Variants in PLS1 observed in about 807,000 individuals in gnomAD.
PLS1 encodes plastin-1.
Under a neutral mutation model 73.7 loss-of-function variants are expected in PLS1, and 32 were observed. The ratio of observed to expected loss-of-function variants is 0.43; its 90% CI spans 0.33 to 0.58. The LOEUF (loss-of-function observed/expected upper bound fraction) is 0.58, where lower values mean the gene tolerates loss of function less well. PLS1 is among the 20% of genes least tolerant of loss of function. PLS1 has a pLI of 0.04. For synonymous variants in PLS1, 217 were observed against 261.3 expected (o/e 0.83, Z 1.63); for missense variants, 633 against 740.5 (o/e 0.85, Z 1.68).
At chr3:142,612,868 T>A (rs901331924) in intron 1 of PLS1, among the ~76,000 whole-genome samples, 1 of 152,138 alleles carries the variant, frequency 6.6e-6, no homozygotes, top group Non-Finnish European at 1.5e-5. Context: ...GCCTCCTGGA[T>A]GTTCTCCTGC....
At chr3:142,676,044 T>A (rs943025520) in intron 4 of PLS1, 113 bp from the exon 5 acceptor site, 17 of 819,808 alleles carry the variant, frequency 2.1e-5, no homozygotes, top group Non-Finnish European at 3.0e-5. Flanking sequence ...TCAATTATTA[T>A]CTTTGAGCAG....
chr3:142,602,384 A>G (rs904430134), intron 1 of PLS1, among the ~76,000 whole-genome samples: 4 of 152,166 alleles, frequency 2.6e-5, no homozygotes, highest in African/African-American at 9.7e-5. Flanking sequence ...CTGGGGTGTC[A>G]GGATCCACTG....
intron 1 of PLS1, among the ~76,000 whole-genome samples, chr3:142,600,916 A>ATATATATTTATTTTTTTT (rs1560024585): frequency 6.7e-5 from 1 of 14,844 alleles, no homozygotes. Context: ...ATATATATAT[A>ATATATATTTATTTTTTTT]TTTTTTTTTT....
At chr3:142,597,621 G>A (rs2035836069) in intron 1 of PLS1, among the ~76,000 whole-genome samples, 1 of 152,108 alleles carries the variant, frequency 6.6e-6, no homozygotes, top group Admixed American at 6.5e-5. Context: ...TTTGGCTGTA[G>A]AGACCTTTGA....
chr3:142,614,514 C>T (rs1036113383), intron 1 of PLS1, among the ~76,000 whole-genome samples: 14 of 152,220 alleles, frequency 9.2e-5, no homozygotes, highest in Non-Finnish European at 1.5e-5. Context: ...TATTGCCAGA[C>T]ATTCTGATTT....
At chr3:142,686,939 T>C (rs1040965173) in intron 9 of PLS1, among the ~76,000 whole-genome samples, 1 of 152,250 alleles carries the variant, frequency 6.6e-6, no homozygotes, top group African/African-American at 2.4e-5. Context: ...AGCAACAACC[T>C]GTTGTTAGAT....
intron 3 of PLS1, among the ~76,000 whole-genome samples, chr3:142,670,500 C>G (rs893202007): frequency 5.3e-5 from 8 of 152,190 alleles, no homozygotes; most frequent in Non-Finnish European, 1.2e-4. Context: ...AACCCAATCA[C>G]TTTGCTGCAA....
Position 142,711,567 on chromosome 3 carries a change from C to G in PLS1, c.1696C>G (p.Arg566Gly). 1.2e-6 allele frequency: 2 copies of G among 1,605,010 alleles called. No homozygotes were observed. Among genetic ancestry groups the G allele is most frequent in the Non-Finnish European group, 1.7e-6 (2 of 1,172,648 alleles). The change falls in exon 15 of 16, where the codon CGT becomes GGT. Residue 566 changes from arginine to glycine, a missense_variant. Coordinates refer to ENST00000457734, the MANE Select transcript of PLS1 (RefSeq NM_001145319.2). ...AGATGCCATTGCACCAAATGCAGTT[C>G]GTCAAGAAATGATCAGGAGAGAAAA... is the stretch of plus-strand genomic sequence containing the variant. Reference protein sequence around the residue: ...LIDAIAPNAVRQEMIRRENLS... With the variant: ...LIDAIAPNAVGQEMIRRENLS...
At chr3:142,632,848 C>T (rs1448527953) in intron 1 of PLS1, among the ~76,000 whole-genome samples, 1 of 152,150 alleles carries the variant, frequency 6.6e-6, no homozygotes, top group Non-Finnish European at 1.5e-5. Flanking sequence ...ATCCACTTGC[C>T]TTGGCCTTCC....
chr3:142,642,859 T>G (rs1174249044), intron 1 of PLS1, among the ~76,000 whole-genome samples: 1 of 151,980 alleles, frequency 6.6e-6, no homozygotes, highest in Non-Finnish European at 1.5e-5. Context: ...CTGGGCTAAT[T>G]TTAGTATTTT....
intron 1 of PLS1, among the ~76,000 whole-genome samples, chr3:142,627,349 G>A (rs985696417): frequency 1.6e-4 from 25 of 152,086 alleles, no homozygotes; most frequent in African/African-American, 6.0e-4. Context: ...TTTCTGTAAG[G>A]AATAATGTTC....
chr3:142,686,418 C>T (rs774005613), intron 9 of PLS1, 42 bp downstream of exon 9: 1 of 1,153,660 alleles, frequency 8.7e-7, no homozygotes, highest in Non-Finnish European at 1.3e-6. Flanking sequence ...TGTGGTAAAA[C>T]AGACGTAGAA....
intron 1 of PLS1, among the ~76,000 whole-genome samples, chr3:142,642,195 C>A (rs1439259770): frequency 6.6e-6 from 1 of 152,052 alleles, no homozygotes; most frequent in Non-Finnish European, 1.5e-5. Context: ...TGGGAATATA[C>A]TATACTTACT....
intron 1 of PLS1, among the ~76,000 whole-genome samples, chr3:142,635,930 C>T (rs1247982103): frequency 1.3e-5 from 2 of 152,128 alleles, no homozygotes; most frequent in Non-Finnish European, 2.9e-5. Context: ...TGTTCTGGTG[C>T]CCAGGCTAAA....
At position 142,664,266 on chromosome 3, in the gene PLS1, G is replaced by A. The variant is rs762287294; in HGVS notation, c.29G>A (p.Arg10Gln). 1.4e-5 allele frequency: 23 copies of A among 1,594,300 alleles called. No homozygotes were observed. Among genetic ancestry groups the A allele is most frequent in the Admixed American group, 6.8e-5 (4 of 58,758 alleles). Residue 10 changes from arginine to glutamine, a missense_variant, in exon 2 of 16, where the codon CGG becomes CAG. Physicochemically the swap from Arg to Gln is conservative, Grantham distance 43. Coordinates refer to ENST00000457734, the MANE Select transcript of PLS1 (RefSeq NM_001145319.2). ...GAAAACAGTACTACTACCATTTCTC[G>A]GGAGGAGCTTGAAGAACTACAAGAG... MENSTTTIS[R>Q]EELEELQEAF... is the part of the protein sequence containing the mutation.
At chr3:142,654,920 G>C (rs2037188261) in intron 1 of PLS1, 1 of 152,046 alleles carries the variant, frequency 6.6e-6, no homozygotes, top group African/African-American at 2.4e-5. Context: ...TTGGCCCTTT[G>C]TTATCTAGTA....
chr3:142,706,419 T>C (rs2038464020), intron 14 of PLS1, among the ~76,000 whole-genome samples: 1 of 152,102 alleles, frequency 6.6e-6, no homozygotes, highest in Non-Finnish European at 1.5e-5. Context: ...GAAAGGGGGA[T>C]AACAAACTTA....
At chr3:142,673,179 A>G (rs1348609329) in intron 4 of PLS1, among the ~76,000 whole-genome samples, 1 of 151,982 alleles carries the variant, frequency 6.6e-6, no homozygotes, top group Non-Finnish European at 1.5e-5. Context: ...GTGCATAACC[A>G]TGCCTCCCAA....
At chr3:142,609,366 T>C (rs1220565223) in intron 1 of PLS1, among the ~76,000 whole-genome samples, 1 of 152,226 alleles carries the variant, frequency 6.6e-6, no homozygotes, top group Non-Finnish European at 1.5e-5. Flanking sequence ...GTGATTTTTG[T>C]GACTTTGCTT....
Sources: gnomAD v4.1 joint callset for allele counts (sites outside exome capture counted in the v4.1 genomes callset) on GRCh38, gnomAD v4.1.1 for gene constraint, MANE v1.5 for transcripts, NCBI Gene and HGNC (gene_info 2026-07-23, HGNC 2026-07-21) for gene names.